LASP1: variants seen among roughly 807,000 people sequenced by gnomAD.
LASP1 encodes the protein LIM and SH3 domain protein 1.
LASP1 carries 10 observed loss-of-function variants against 38.6 expected under a neutral mutation model. The ratio of observed to expected loss-of-function variants is 0.26; its 90% CI spans 0.16 to 0.44. The LOEUF is 0.44. Among genes scored for constraint, LASP1 ranks in the 20% least tolerant of loss-of-function variants. LASP1 has a pLI of 1.00. For synonymous variants in LASP1, 132 were observed against 140.8 expected (o/e 0.94, Z 0.44); for missense variants, 243 against 375.7 (o/e 0.65, Z 2.92).
In LASP1 at chr17:38,919,774, T is replaced by C. The variant is rs114324771; in HGVS notation, c.*996T>C. 7 of 421,024 alleles carry C rather than the reference T, an allele frequency of 1.7e-5. No homozygotes were observed. Among genetic ancestry groups the C allele is most frequent in the Non-Finnish European group, 3.2e-5 (7 of 219,962 alleles). The allele number at this position is 421,024 out of a possible 1,614,324, so 26.1% of individuals were successfully genotyped here. ...CTCCCCAGCCCAATGCCAAGTGGACTTGGAGCTGCACAAAGTCAGCAGGGA... is the reference window on the plus strand; with the variant it reads ...CTCCCCAGCCCAATGCCAAGTGGACCTGGAGCTGCACAAAGTCAGCAGGGA... On this transcript the variant is annotated 3_prime_UTR_variant, in exon 7 of 7. Coordinates refer to ENST00000318008, the MANE Select transcript of LASP1 (RefSeq NM_006148.4).
rs777248488 is a variant in LASP1, at chr17:38,898,400, C to G, written c.250-12C>G. On this transcript the variant is annotated splice_polypyrimidine_tract_variant and intron_variant, in intron 3 of 6. Transcript: ENST00000318008. ...TGGCCTGACTCCAATCCCTCTTCCT[C>G]CCCTCCTGCAGGTGCGCTACAAGGA... The G allele has an allele frequency of 6.5e-7, 1 of 1,539,608 alleles. No individual in the cohort carries two copies. The highest frequency in any genetic ancestry group is 8.8e-7 in the Non-Finnish European group (1 of 1,137,754).
intron 2 of LASP1, among the ~76,000 whole-genome samples, chr17:38,888,070 G>A (rs952128441): frequency 6.6e-6 from 1 of 152,104 alleles, no homozygotes; most frequent in Non-Finnish European, 1.5e-5. Flanking sequence ...ATGGCCTGAC[G>A]GGCTCCGGCT....
At chr17:38,893,667 CCT>C (rs1188023985) in intron 3 of LASP1, among the ~76,000 whole-genome samples, 1 of 152,174 alleles carries the variant, frequency 6.6e-6, no homozygotes, top group African/African-American at 2.4e-5. Flanking sequence ...GACTGTCTTT[CCT>C]CTCATAGCTT....
At chr17:38,881,286 G>C (rs1913942636) in intron 2 of LASP1, among the ~76,000 whole-genome samples, 1 of 151,668 alleles carries the variant, frequency 6.6e-6, no homozygotes. Flanking sequence ...TGGAGACAAG[G>C]TCTCCAAAAA....
chr17:38,899,833 T>C (rs374009347), intron 4 of LASP1, among the ~76,000 whole-genome samples: 3 of 150,374 alleles, frequency 2.0e-5, no homozygotes, highest in East Asian at 3.9e-4. Context: ...CAAGTGATTC[T>C]CCTGCCTTAG....
intron 3 of LASP1, among the ~76,000 whole-genome samples, chr17:38,895,489 G>A (rs1422274936): frequency 6.6e-6 from 1 of 151,676 alleles, no homozygotes; most frequent in Non-Finnish European, 1.5e-5. Flanking sequence ...AACTTTTTTT[G>A]TATTTTTTTT....
At chr17:38,910,722 T>A (rs1914913108) in intron 4 of LASP1, among the ~76,000 whole-genome samples, 1 of 151,150 alleles carries the variant, frequency 6.6e-6, no homozygotes, top group Admixed American at 6.6e-5. Flanking sequence ...ACACAGGTAG[T>A]CTGGAGTCCA....
intron 3 of LASP1, among the ~76,000 whole-genome samples, chr17:38,892,792 G>A (rs992804974): frequency 1.3e-5 from 2 of 152,210 alleles, no homozygotes; most frequent in African/African-American, 4.8e-5. Flanking sequence ...CCCCCACAGG[G>A]GAAGCCAGCA....
intron 1 of LASP1, among the ~76,000 whole-genome samples, chr17:38,877,483 A>C (rs1913814907): frequency 6.6e-6 from 1 of 152,052 alleles, no homozygotes; most frequent in Admixed American, 6.5e-5. Flanking sequence ...AGCCTGGGAC[A>C]CCCAGCCCAC....
rs1295207687 is a variant in LASP1 at position 38,921,658 on chromosome 17, T to C, written c.*2880T>C. 4.3e-6 allele frequency: 1 copy of C among 232,370 alleles called. No homozygotes were observed. Among genetic ancestry groups the C allele is most frequent in the East Asian group, 6.1e-5 (1 of 16,468 alleles). The allele number at this position is 232,370 out of a possible 1,614,324, so 14.4% of individuals were successfully genotyped here. On this transcript the variant is annotated 3_prime_UTR_variant, in exon 7 of 7. Coordinates refer to ENST00000318008, the MANE Select transcript of LASP1 (RefSeq NM_006148.4). ...TGTTTTGGTCCCCTCCCTCGTGGGCTTGTGCTCGGGATCAAACCTTTCTGG... is the reference window on the plus strand; with the variant it reads ...TGTTTTGGTCCCCTCCCTCGTGGGCCTGTGCTCGGGATCAAACCTTTCTGG...
At chr17:38,878,237 A>G in intron 2 of LASP1, 57 bp downstream of exon 2, 1 of 1,148,316 alleles carries the variant, frequency 8.7e-7, no homozygotes, top group South Asian at 1.3e-5. Flanking sequence ...TCCCCGAGTG[A>G]GTTCTTCCTT....
At chr17:38,871,059 A>G (rs1051557656) in intron 1 of LASP1, among the ~76,000 whole-genome samples, 1 of 151,588 alleles carries the variant, frequency 6.6e-6, no homozygotes, top group Non-Finnish European at 1.5e-5. Context: ...GTGTGGAAGA[A>G]CAAAGAGCTA....
At chr17:38,903,444 C>T (rs770816360) in intron 4 of LASP1, among the ~76,000 whole-genome samples, 3 of 151,994 alleles carry the variant, frequency 2.0e-5, no homozygotes, top group Non-Finnish European at 4.4e-5. Context: ...ACTGCAGCCT[C>T]GAACTCTTGG....
Position 38,919,228 on chromosome 17 carries a change from C to T in LASP1, c.*450C>T, listed in dbSNP as rs1363726575. ...ATCCACTTCTTGGTTCCTGGGATGG[C>T]GATGGGGACTCTGCCGCTGTGTAGG... is the stretch of plus-strand genomic sequence containing the variant. On this transcript the variant is annotated 3_prime_UTR_variant, in exon 7 of 7. Coordinates refer to ENST00000318008, the MANE Select transcript of LASP1 (RefSeq NM_006148.4). 3.8e-6 allele frequency: 1 copy of T among 262,328 alleles called. No individual in the cohort carries two copies. The highest frequency in any genetic ancestry group is 5.6e-5 in the East Asian group (1 of 17,810). 16.3% of individuals were successfully genotyped at this position (262,328 alleles called of 1,614,324 possible).
At chr17:38,892,272 G>A (rs1201344066) in intron 3 of LASP1, among the ~76,000 whole-genome samples, 19 of 152,206 alleles carry the variant, frequency 1.2e-4, no homozygotes, top group Admixed American at 1.2e-3. Flanking sequence ...TCCCAAGTCT[G>A]GGGCCCTTGA....
intron 4 of LASP1, among the ~76,000 whole-genome samples, chr17:38,910,733 C>CT (rs10526728): frequency 7.4e-6 from 1 of 135,474 alleles, no homozygotes. Context: ...CTGGAGTCCA[C>CT]TTTTTTTTAA....
intron 4 of LASP1, among the ~76,000 whole-genome samples, chr17:38,902,754 G>T (rs1431336456): frequency 1.3e-5 from 2 of 152,060 alleles, no homozygotes; most frequent in Non-Finnish European, 2.9e-5. Flanking sequence ...CCAGGCTGGA[G>T]TGCAGTGGCG....
chr17:38,881,328 G>A (rs1913943789), intron 2 of LASP1, among the ~76,000 whole-genome samples: 1 of 152,106 alleles, frequency 6.6e-6, no homozygotes, highest in Admixed American at 6.5e-5. Context: ...CCAGGCTGGA[G>A]TGCAGTGGAG....
chr17:38,875,121 A>G (rs1913728915), intron 1 of LASP1, among the ~76,000 whole-genome samples: 1 of 137,974 alleles, frequency 7.2e-6, no homozygotes, highest in Non-Finnish European at 1.5e-5. Flanking sequence ...ATTCTGGAGA[A>G]TGTTTTTCCT....
Sources: gnomAD v4.1 joint callset for allele counts (sites outside exome capture counted in the v4.1 genomes callset) on GRCh38, gnomAD v4.1.1 for gene constraint, MANE v1.5 for transcripts, NCBI Gene and HGNC (gene_info 2026-07-23, HGNC 2026-07-21) for gene names.